APBB1IP: variants seen among roughly 807,000 people sequenced by gnomAD.
APBB1IP encodes the protein amyloid beta precursor protein binding family B member 1 interacting protein.
A neutral mutation model predicts 64.9 loss-of-function variants in APBB1IP; 27 were observed. The ratio of observed to expected loss-of-function variants is 0.42; its 90% CI spans 0.31 to 0.57. APBB1IP has a LOEUF of 0.57. Among genes scored for constraint, APBB1IP ranks in the 20% least tolerant of loss-of-function variants. The probability of loss-of-function intolerance (pLI) is 0.20; values close to 1 mark genes in which losing one functional copy is unlikely to be tolerated. For missense variants in APBB1IP, 812 were observed against 845.5 expected (o/e 0.96, Z 0.49); for synonymous variants, 392 against 331.0 (o/e 1.18, Z -2.00).
intron 6 of APBB1IP, among the ~76,000 whole-genome samples, chr10:26,505,903 A>G: frequency 6.6e-6 from 1 of 152,104 alleles, no homozygotes; most frequent in East Asian, 1.9e-4. Context: ...TGAAGCCAGA[A>G]TGAATCCTCC....
intron 11 of APBB1IP, among the ~76,000 whole-genome samples, chr10:26,549,897 G>C (rs771488953): frequency 6.6e-6 from 1 of 151,792 alleles, no homozygotes; most frequent in Non-Finnish European, 1.5e-5. Context: ...TTGGGGTTTA[G>C]TTTGTTCTTA....
At position 26,567,062 on chromosome 10, in the gene APBB1IP, C is replaced by T. The variant is rs1456294027; in HGVS notation, c.1575C>T (p.Ser525=). 8.7e-6 allele frequency: 13 copies of T among 1,502,796 alleles called. No individual in the cohort carries two copies. The highest frequency in any genetic ancestry group is 1.1e-5 in the Non-Finnish European group (13 of 1,140,508). The allele number at this position is 1,502,796 out of a possible 1,614,324, so 93.1% of individuals were successfully genotyped here. A position where few individuals can be genotyped will look rare whatever the true frequency, so the allele number is the denominator to read the frequency against. Residue 525 remains serine (S), a synonymous_variant, in exon 15 of 15, where the codon TCC becomes TCT. Transcript: ENST00000376236. ...CCCCGCCCCCTCCGGTGCGGAGGTC[C>T]TCCGACACCAGCGGCAGTCCCGCCA... The part of the protein sequence containing the change: ...SLPPPPPVRR[S]SDTSGSPATP...
Position 26,513,649 on chromosome 10 carries a change from A to T in APBB1IP, c.802A>T (p.Lys268Ter). ...GAAAGAGGAGAAATATGCTGTATTT[A>T]AAAACCCCCAGGTAAGATGATCTGC... ...LEKEEKYAVFKNPQNFYLDNR... is the reference protein window; with the variant it reads ...LEKEEKYAVF Residue 268 changes from lysine (K) to a stop codon, truncating the protein, a stop_gained, in exon 8 of 15, where the codon AAA becomes TAA. Transcript: ENST00000376236. LOFTEE classifies it high-confidence loss of function. 6.2e-7 allele frequency: 1 copy of T among 1,611,580 alleles called. No individual in the cohort carries two copies. The highest frequency in any genetic ancestry group is 8.5e-7 in the Non-Finnish European group (1 of 1,179,418).
chr10:26,454,306 T>C (rs921941730), intron 2 of APBB1IP, among the ~76,000 whole-genome samples: 9 of 151,930 alleles, frequency 5.9e-5, no homozygotes, highest in African/African-American at 2.2e-4. Flanking sequence ...CCGGGCGTGG[T>C]GGTGGATGCC....
chr10:26,504,728 A>T (rs568646407), intron 6 of APBB1IP, among the ~76,000 whole-genome samples: 2 of 152,280 alleles, frequency 1.3e-5, no homozygotes, highest in East Asian at 3.9e-4. Context: ...AAATTAAAAA[A>T]AAAAAGTTAA....
At chr10:26,474,578 C>T (rs1435542795) in intron 2 of APBB1IP, among the ~76,000 whole-genome samples, 4 of 152,176 alleles carry the variant, frequency 2.6e-5, no homozygotes, top group Non-Finnish European at 5.9e-5. Flanking sequence ...ACACATACTT[C>T]AAAACATCCT....
chr10:26,504,480 C>T (rs926544335), intron 6 of APBB1IP, among the ~76,000 whole-genome samples: 7 of 152,050 alleles, frequency 4.6e-5, no homozygotes, highest in African/African-American at 1.4e-4. Context: ...GAGGCTGAGG[C>T]GGGCGGATCA....
At chr10:26,533,570 C>T in intron 9 of APBB1IP, 45 bp downstream of exon 9, 3 of 1,329,430 alleles carry the variant, frequency 2.3e-6, no homozygotes, top group Non-Finnish European at 2.1e-6. Flanking sequence ...AGGACGTTTG[C>T]TCTATTTTTA....
intron 2 of APBB1IP, among the ~76,000 whole-genome samples, chr10:26,461,923 C>T (rs1044085720): frequency 6.6e-6 from 1 of 152,180 alleles, no homozygotes; most frequent in Non-Finnish European, 1.5e-5. Flanking sequence ...ATTTACTTCA[C>T]ATCAGCCACC....
At chr10:26,473,480 A>G (rs1272156353) in intron 2 of APBB1IP, among the ~76,000 whole-genome samples, 2 of 152,206 alleles carry the variant, frequency 1.3e-5, no homozygotes, top group African/African-American at 2.4e-5. Flanking sequence ...GTCTTTTTGA[A>G]AGCTTTTAAA....
chr10:26,558,140 A>AACACACACACACACACAC (rs58025187), intron 11 of APBB1IP, among the ~76,000 whole-genome samples: 1 of 148,894 alleles, frequency 6.7e-6, no homozygotes, highest in African/African-American at 2.5e-5. Flanking sequence ...CACACACACA[A>AACACACACACACACACAC]ACACACACAC....
At chr10:26,464,330 A>G (rs1835625408) in intron 2 of APBB1IP, among the ~76,000 whole-genome samples, 1 of 152,158 alleles carries the variant, frequency 6.6e-6, no homozygotes, top group African/African-American at 2.4e-5. Flanking sequence ...ACCCACCTAT[A>G]TGCAAACACC....
intron 2 of APBB1IP, among the ~76,000 whole-genome samples, chr10:26,450,722 G>GTCTCACTTTGT (rs1463237875): frequency 6.9e-6 from 1 of 145,544 alleles, no homozygotes; most frequent in Non-Finnish European, 1.5e-5. Context: ...TGAGTACTGA[G>GTCTCACTTTGT]TCTCACTTTG....
At chr10:26,562,501 T>A in intron 14 of APBB1IP, 72 bp downstream of exon 14, 1 of 1,345,560 alleles carries the variant, frequency 7.4e-7, no homozygotes, top group South Asian at 1.2e-5. Context: ...TAACTGCTCT[T>A]TTAAAAAGAG....
At chr10:26,547,211 T>G (rs1836776917) in intron 11 of APBB1IP, among the ~76,000 whole-genome samples, 1 of 152,248 alleles carries the variant, frequency 6.6e-6, no homozygotes, top group South Asian at 2.1e-4. Context: ...GAAATATCTA[T>G]TCACGTCTTT....
intron 6 of APBB1IP, among the ~76,000 whole-genome samples, chr10:26,511,364 G>T (rs1226231742): frequency 6.6e-6 from 1 of 151,988 alleles, no homozygotes; most frequent in East Asian, 1.9e-4. Flanking sequence ...TAATAATAAA[G>T]ATACAGACAT....
Position 26,438,633 on chromosome 10 carries a change from TC to T in APBB1IP, c.-202-16del, listed in dbSNP as rs1449373761. On this transcript the variant is annotated intron_variant, in intron 1 of 14. Transcript: ENST00000376236. ...AGTCCTTTACGCATATGTTTGTCTGTCCCACTGTCTCTAACCAGGGGCCTTC... is the reference window on the plus strand; with the variant it reads ...AGTCCTTTACGCATATGTTTGTCTGTCCACTGTCTCTAACCAGGGGCCTTC... The T allele has an allele frequency of 6.6e-6, 1 of 152,198 alleles. No homozygotes were observed. The highest frequency in any genetic ancestry group is 2.4e-5 in the African/African-American group (1 of 41,422). 9.4% of individuals were successfully genotyped at this position (152,198 alleles called of 1,614,324 possible). A position where few individuals can be genotyped will look rare whatever the true frequency, so the allele number is the denominator to read the frequency against.
intron 4 of APBB1IP, among the ~76,000 whole-genome samples, chr10:26,498,111 A>T (rs1836050490): frequency 6.6e-6 from 1 of 152,114 alleles, no homozygotes; most frequent in South Asian, 2.1e-4. Flanking sequence ...ATTATAATAT[A>T]CATCTTGCGA....
At chr10:26,512,503 T>A (rs887344948) in intron 7 of APBB1IP, among the ~76,000 whole-genome samples, 3 of 152,116 alleles carry the variant, frequency 2.0e-5, no homozygotes, top group African/African-American at 7.2e-5. Context: ...CTTTGTCTAG[T>A]GGAAGAGTTT....
Sources: gnomAD v4.1 joint callset for allele counts (sites outside exome capture counted in the v4.1 genomes callset) on GRCh38, gnomAD v4.1.1 for gene constraint, MANE v1.5 for transcripts, NCBI Gene and HGNC (gene_info 2026-07-23, HGNC 2026-07-21) for gene names.